The following CTPS2 variants were observed in gnomAD, a reference collection of about 807,000 sequenced individuals.
CTPS2 encodes the protein CTP synthase 2.
A neutral mutation model predicts 46.8 loss-of-function variants in CTPS2; 19 were observed. The observed-to-expected ratio is 0.41, with a 90% CI of 0.28 to 0.60. The LOEUF (loss-of-function observed/expected upper bound fraction) is 0.60, where lower values mean the gene tolerates loss of function less well. Ranked by LOEUF, CTPS2 falls within the 20% of genes least tolerant of loss-of-function variation. The probability of loss-of-function intolerance (pLI) is 0.35; values close to 1 mark genes in which losing one functional copy is unlikely to be tolerated. For missense variants in CTPS2, 286 were observed against 447.6 expected, an observed-to-expected ratio of 0.64 and a Z score of 3.26; for synonymous variants, 151 against 165.2, an observed-to-expected ratio of 0.91 and a Z score of 0.66.
chrX:16,617,582 A>G (rs1040492084), intron 15 of CTPS2, among the ~76,000 whole-genome samples: 3 of 111,881 alleles, frequency 2.7e-5, no homozygotes, highest in Non-Finnish European at 3.8e-5. Flanking sequence ...GTACTTCCCT[A>G]TCTCTCCCCG....
chrX:16,636,663 G>A (rs1036650484), intron 14 of CTPS2, among the ~76,000 whole-genome samples: 2 of 111,837 alleles, frequency 1.8e-5, no homozygotes, highest in Middle Eastern at 4.6e-3. Context: ...GGTGGCTCAC[G>A]CCTGTAATCC....
chrX:16,670,036 C>T (rs954710020), intron 11 of CTPS2, among the ~76,000 whole-genome samples: 1 of 102,317 alleles, frequency 9.8e-6, no homozygotes, highest in African/African-American at 3.7e-5. Context: ...CCAGGCTGGG[C>T]AACATAGCAA....
At chrX:16,664,027 A>G (rs112309307) in intron 13 of CTPS2, among the ~76,000 whole-genome samples, 14,302 of 110,578 alleles carry the variant, frequency 0.13, 724 homozygotes, top group East Asian at 0.25. Flanking sequence ...TAGTAGAGAC[A>G]AAGTTTCACC....
At chrX:16,602,826 G>C (rs1929741298) in intron 17 of CTPS2, among the ~76,000 whole-genome samples, 1 of 110,888 alleles carries the variant, frequency 9.0e-6, no homozygotes, top group Admixed American at 9.6e-5. Flanking sequence ...TTTTTTCTTT[G>C]CTTTTGTATT....
At chrX:16,599,572 G>T in intron 17 of CTPS2, among the ~76,000 whole-genome samples, 1 of 106,663 alleles carries the variant, frequency 9.4e-6, no homozygotes, top group Admixed American at 1.0e-4. Context: ...CACCTCCTGG[G>T]TTCAAGCGAT....
At chrX:16,709,848 CAAAAAAAAAA>C (rs35017705) in intron 1 of CTPS2, among the ~76,000 whole-genome samples, 1 of 23,752 alleles carries the variant, frequency 4.2e-5, no homozygotes, top group Non-Finnish European at 6.7e-5. Flanking sequence ...ACTCTGTCTC[CAAAAAAAAAA>C]AAAAAAAAAA....
At chrX:16,685,257 C>T (rs1000424322) in intron 8 of CTPS2, among the ~76,000 whole-genome samples, 1 of 111,661 alleles carries the variant, frequency 9.0e-6, no homozygotes, top group South Asian at 3.8e-4. Context: ...GCTCTGCCCC[C>T]GGAAGGAAGC....
At chrX:16,636,736 A>G (rs1184112581) in intron 14 of CTPS2, among the ~76,000 whole-genome samples, 2 of 110,728 alleles carry the variant, frequency 1.8e-5, no homozygotes, top group Non-Finnish European at 3.8e-5. Context: ...TATCCCGGCT[A>G]ACACGGTGAA....
At position 16,668,410 on chromosome X, in the gene CTPS2, T is replaced by TA. The variant is rs1181822517; in HGVS notation, c.1190-687dup. Among the ~76,000 whole-genome samples the TA allele has an allele frequency of 9.1e-3, 784 of 86,232 alleles. 5 individuals are homozygous for TA. The highest frequency in any genetic ancestry group is 0.031 in the African/African-American group (706 of 23,068). The allele number at this position is 86,232 out of a possible 115,157, so 74.9% of individuals were successfully genotyped here. On this transcript the variant is annotated intron_variant, in intron 11 of 18. Coordinates refer to ENST00000359276, the MANE Select transcript of CTPS2 (RefSeq NM_175859.3). ...TAACATGGTGAAACCCCATCTCTACTAAAAAAAAAAAAATACAAAAAAAAA... is the reference window on the plus strand; with the variant it reads ...TAACATGGTGAAACCCCATCTCTACTAAAAAAAAAAAAAATACAAAAAAAAA...
intron 16 of CTPS2, among the ~76,000 whole-genome samples, chrX:16,614,031 G>T (rs1302509827): frequency 1.8e-5 from 2 of 111,017 alleles, no homozygotes; most frequent in Admixed American, 1.9e-4. Flanking sequence ...GGCTTCCCTG[G>T]GCCACACTGG....
At chrX:16,680,719 G>A (rs1699516546) in intron 9 of CTPS2, among the ~76,000 whole-genome samples, 1 of 110,547 alleles carries the variant, frequency 9.0e-6, no homozygotes, top group Admixed American at 9.7e-5. Flanking sequence ...TGAAGGAGTG[G>A]GAGGAATGGG....
intron 13 of CTPS2, among the ~76,000 whole-genome samples, chrX:16,664,022 G>C (rs1306425514): frequency 1.8e-5 from 2 of 111,003 alleles, no homozygotes; most frequent in Non-Finnish European, 3.8e-5. Flanking sequence ...GTTTTTAGTA[G>C]AGACAAAGTT....
chrX:16,686,880 G>A (rs746319339), intron 8 of CTPS2, among the ~76,000 whole-genome samples: 1 of 109,627 alleles, frequency 9.1e-6, no homozygotes, highest in South Asian at 4.0e-4. Context: ...CTCCAGCCTG[G>A]GTGACAGAGT....
chrX:16,651,951 C>G (rs1309433150), intron 13 of CTPS2, among the ~76,000 whole-genome samples: 2 of 108,546 alleles, frequency 1.8e-5, no homozygotes, highest in African/African-American at 6.8e-5. Context: ...CGTGTTCTTG[C>G]CATGGGGAGA....
At chrX:16,595,235 G>T (rs773345447) in intron 17 of CTPS2, among the ~76,000 whole-genome samples, 21 of 111,503 alleles carry the variant, frequency 1.9e-4, no homozygotes, top group Non-Finnish European at 3.6e-4. Context: ...AGTCTTGCAT[G>T]TTAAATTTTA....
rs1207118110 is a variant in CTPS2 at position 16,624,062 on chromosome X, A to AT, written c.1394-3731dup. ...GACCTCGTGATCCACCCGCCTTAGGATTACAGGCGTGAGCCACCGCGCCTG... is the reference window on the plus strand; with the variant it reads ...GACCTCGTGATCCACCCGCCTTAGGATTTACAGGCGTGAGCCACCGCGCCTG... On this transcript the variant is annotated intron_variant, in intron 14 of 18. Transcript: ENST00000359276. Among the ~76,000 whole-genome samples, 3 of 109,414 alleles carry AT rather than the reference A, an allele frequency of 2.7e-5. No homozygotes were observed. The Admixed American group carries it at 2.9e-4, about 11-fold the overall frequency.
intron 10 of CTPS2, among the ~76,000 whole-genome samples, chrX:16,672,010 A>G (rs1255895515): frequency 3.6e-5 from 4 of 111,076 alleles, no homozygotes; most frequent in Non-Finnish European, 7.5e-5. Context: ...GGCTCCTCTC[A>G]ATAAAAGGCA....
At chrX:16,623,006 A>T (rs1365881791) in intron 14 of CTPS2, among the ~76,000 whole-genome samples, 1 of 112,514 alleles carries the variant, frequency 8.9e-6, no homozygotes, top group Non-Finnish European at 1.9e-5. Flanking sequence ...TCAGTGATTG[A>T]TATTGTTATC....
chrX:16,710,649 G>A (rs187724428), intron 1 of CTPS2, among the ~76,000 whole-genome samples: 11 of 111,469 alleles, frequency 9.9e-5, no homozygotes, highest in Non-Finnish European at 1.9e-4. Context: ...AGTTGGAGTC[G>A]CGCTCTGTCA....
Sources: gnomAD v4.1 joint callset for allele counts (sites outside exome capture counted in the v4.1 genomes callset) on GRCh38, gnomAD v4.1.1 for gene constraint, MANE v1.5 for transcripts, NCBI Gene and HGNC (gene_info 2026-07-23, HGNC 2026-07-21) for gene names.